The following ITGA1 variants were observed in gnomAD, a reference collection of about 807,000 sequenced individuals.
The protein encoded by ITGA1 is integrin alpha-1.
ITGA1 carries 85 observed loss-of-function variants against 145.9 expected under a neutral mutation model. The observed-to-expected ratio is 0.58, with a 90% CI of 0.49 to 0.70. The LOEUF is 0.70. Among genes scored for constraint, ITGA1 ranks in the 30% least tolerant of loss-of-function variants. ITGA1 has a pLI of 0.00. For synonymous variants in ITGA1, 520 were observed against 495.3 expected, an observed-to-expected ratio of 1.05 and a Z score of -0.66; for missense variants, 1,351 against 1,418.7, an observed-to-expected ratio of 0.95 and a Z score of 0.77.
chr5:52,911,983 A>ATATATACTATATATAC (rs1211845654), intron 14 of ITGA1, among the ~76,000 whole-genome samples: 1 of 71,646 alleles, frequency 1.4e-5, no homozygotes, highest in African/African-American at 4.4e-5. Context: ...TATATATACT[A>ATATATACTATATATAC]TATGTATAGT....
chr5:52,928,597 A>G (rs565234557), intron 20 of ITGA1, among the ~76,000 whole-genome samples: 1 of 152,260 alleles, frequency 6.6e-6, no homozygotes, highest in South Asian at 2.1e-4. Flanking sequence ...TTTTTCCTCA[A>G]CAGCCTTTCT....
chr5:52,949,065 T>A (rs1751178563), intron 28 of ITGA1, among the ~76,000 whole-genome samples: 2 of 152,138 alleles, frequency 1.3e-5, no homozygotes, highest in Non-Finnish European at 2.9e-5. Flanking sequence ...TTATTATTAT[T>A]GCAGGCCCAA....
chr5:52,858,088 T>C (rs888968290), intron 2 of ITGA1, among the ~76,000 whole-genome samples: 2 of 152,228 alleles, frequency 1.3e-5, no homozygotes, highest in African/African-American at 4.8e-5. Flanking sequence ...TCATCTGGAT[T>C]ACTTTAGGAA....
intron 6 of ITGA1, among the ~76,000 whole-genome samples, chr5:52,877,091 G>A (rs571317538): frequency 1.6e-4 from 25 of 152,282 alleles, no homozygotes; most frequent in African/African-American, 5.8e-4. Flanking sequence ...GGAGTAGCTT[G>A]AAGTTTTATC....
At chr5:52,941,473 G>C (rs1751053036) in intron 26 of ITGA1, among the ~76,000 whole-genome samples, 1 of 152,084 alleles carries the variant, frequency 6.6e-6, no homozygotes, top group Non-Finnish European at 1.5e-5. Flanking sequence ...ATTCTGACTG[G>C]AGTGAGATGG....
At chr5:52,871,421 T>C (rs1234821478) in intron 6 of ITGA1, among the ~76,000 whole-genome samples, 2 of 152,216 alleles carry the variant, frequency 1.3e-5, no homozygotes, top group Admixed American at 6.5e-5. Context: ...ATAAAGGTTA[T>C]ATTCTAATTA....
rs193272284 is a variant in ITGA1, at chr5:52,857,440, A to G, written c.183-4007A>G. Among the ~76,000 whole-genome samples, 612 of 152,072 alleles carry G rather than the reference A, an allele frequency of 4.0e-3. 9 individuals carry two copies. Among genetic ancestry groups the G allele is most frequent in the African/African-American group, 0.014 (595 of 41,504 alleles). ...TTGCCTCCATGATAAATTTGGACAC[A>G]TCTCAAGCCCTTAATGGTTTGTCAT... On this transcript the variant is annotated intron_variant, in intron 2 of 28. Transcript: ENST00000282588.
At chr5:52,825,160 A>G (rs1054364927) in intron 1 of ITGA1, 2 of 152,140 alleles carry the variant, frequency 1.3e-5, no homozygotes, top group East Asian at 1.9e-4. Flanking sequence ...TCCTATTAAC[A>G]TGCCGCTTTA....
intron 26 of ITGA1, 39 bp downstream of exon 26, chr5:52,939,983 A>G (rs1259211181): frequency 1.9e-6 from 2 of 1,059,168 alleles, no homozygotes; most frequent in Non-Finnish European, 3.0e-6. Flanking sequence ...ATTGAATAAT[A>G]TCAATAAATA....
chr5:52,800,778 C>T lies in ITGA1; in HGVS notation c.61+12364C>T, dbSNP rs779106178. 4.6e-5 allele frequency: 74 copies of T among 1,613,922 alleles called. No individual in the cohort carries two copies. The East Asian group carries it at 1.2e-3, about 26-fold the overall frequency. ...TGGTACTGGAGCGCATCGAGCAGGC[C>T]TGTGACCCAGCCTGGAGCGCTGATG... On this transcript the variant is annotated intron_variant, in intron 1 of 28. Transcript: ENST00000282588.
intron 9 of ITGA1, among the ~76,000 whole-genome samples, chr5:52,894,508 T>C (rs1044185932): frequency 6.6e-6 from 1 of 152,080 alleles, no homozygotes; most frequent in Non-Finnish European, 1.5e-5. Flanking sequence ...GAACTCGATC[T>C]TTCCTAAAAA....
At chr5:52,878,526 A>C (rs1270152762) in intron 6 of ITGA1, among the ~76,000 whole-genome samples, 1 of 152,224 alleles carries the variant, frequency 6.6e-6, no homozygotes, top group Non-Finnish European at 1.5e-5. Flanking sequence ...GTATTAACAC[A>C]CATGTGGCAA....
At chr5:52,835,929 A>G (rs1202984306) in intron 1 of ITGA1, among the ~76,000 whole-genome samples, 1 of 152,196 alleles carries the variant, frequency 6.6e-6, no homozygotes, top group Non-Finnish European at 1.5e-5. Context: ...ATCTTTCTAT[A>G]TCCTGTTGAA....
At chr5:52,858,809 AT>A (rs1302904092) in intron 2 of ITGA1, among the ~76,000 whole-genome samples, 1 of 152,198 alleles carries the variant, frequency 6.6e-6, no homozygotes, top group Non-Finnish European at 1.5e-5. Context: ...AAGAACTAAC[AT>A]TTAGATAGCA....
intron 1 of ITGA1, among the ~76,000 whole-genome samples, chr5:52,816,739 A>C (rs557676566): frequency 6.6e-6 from 1 of 152,276 alleles, no homozygotes; most frequent in East Asian, 1.9e-4. Context: ...AGAATTCCTG[A>C]GGTATAACCT....
intron 2 of ITGA1, among the ~76,000 whole-genome samples, chr5:52,857,766 G>T (rs1460336360): frequency 2.0e-5 from 3 of 152,074 alleles, no homozygotes; most frequent in Admixed American, 1.3e-4. Context: ...TACTTTTAGG[G>T]CCTCAACCAT....
At chr5:52,941,567 G>A (rs1751054968) in intron 26 of ITGA1, among the ~76,000 whole-genome samples, 1 of 152,122 alleles carries the variant, frequency 6.6e-6, no homozygotes, top group East Asian at 1.9e-4. Context: ...TTGGTCACCT[G>A]TATGTCATGT....
chr5:52,788,303 G>C lies in ITGA1; in HGVS notation c.-51G>C, dbSNP rs1358833547. ...CCAGAGAGCGCAGCTCCCGCGCCCGGTCCTGCCCTGCGAACCAGCGCGGCC... is the reference window on the plus strand; with the variant it reads ...CCAGAGAGCGCAGCTCCCGCGCCCGCTCCTGCCCTGCGAACCAGCGCGGCC... On this transcript the variant is annotated 5_prime_UTR_variant, in exon 1 of 29. Coordinates refer to ENST00000282588, the MANE Select transcript of ITGA1 (RefSeq NM_181501.2). The C allele has an allele frequency of 5.6e-6, 8 of 1,438,660 alleles. No individual in the cohort carries two copies. In the Middle Eastern group the frequency reaches 7.2e-4, roughly 129 times the overall value. The allele number at this position is 1,438,660 out of a possible 1,614,324, so 89.1% of individuals were successfully genotyped here. A position where few individuals can be genotyped will look rare whatever the true frequency, so the allele number is the denominator to read the frequency against.
intron 1 of ITGA1, among the ~76,000 whole-genome samples, chr5:52,818,219 T>G (rs556725199): frequency 1.1e-3 from 169 of 152,304 alleles, no homozygotes; most frequent in Non-Finnish European, 2.0e-3. Flanking sequence ...TCTTTTAGCA[T>G]CAAGGCTTGC....
Sources: gnomAD v4.1 joint callset for allele counts (sites outside exome capture counted in the v4.1 genomes callset) on GRCh38, gnomAD v4.1.1 for gene constraint, MANE v1.5 for transcripts, NCBI Gene and HGNC (gene_info 2026-07-23, HGNC 2026-07-21) for gene names.